Variants in MAPK8IP1 observed in about 807,000 individuals in gnomAD.
MAPK8IP1 encodes the protein mitogen-activated protein kinase 8 interacting protein 1.
Under a neutral mutation model 72.6 loss-of-function variants are expected in MAPK8IP1, and 17 were observed. The ratio of observed to expected loss-of-function variants is 0.23; its 90% CI spans 0.16 to 0.35. The LOEUF is 0.35. Among genes scored for constraint, MAPK8IP1 ranks in the 10% least tolerant of loss-of-function variants. The probability of loss-of-function intolerance (pLI) is 1.00; values close to 1 mark genes in which losing one functional copy is unlikely to be tolerated. For missense variants in MAPK8IP1, 789 were observed against 1,009.7 expected (o/e 0.78, Z 2.96); for synonymous variants, 401 against 443.4 (o/e 0.90, Z 1.20).
chr11:45,903,306 C>T lies in MAPK8IP1; in HGVS notation c.1418-59C>T, dbSNP rs2086672583. 14 of 1,593,944 alleles carry T rather than the reference C, an allele frequency of 8.8e-6. No individual in the cohort carries two copies. Reference sequence around the variant, plus strand: ...GGTTAGGACTGAGGCTTCTACCTGCCCCGCTAAACCTGGATCAGAGCTGCG... The same window carrying T: ...GGTTAGGACTGAGGCTTCTACCTGCTCCGCTAAACCTGGATCAGAGCTGCG... On this transcript the variant is annotated intron_variant, in intron 5 of 11. Coordinates refer to ENST00000241014, the MANE Select transcript of MAPK8IP1 (RefSeq NM_005456.4). This position sits in a 1 kb window ranked among gnomAD's most constrained non-coding sequence, Gnocchi z 6.4.
Position 45,903,923 on chromosome 11 carries a change from C to T in MAPK8IP1, c.1494-66C>T. 1.4e-6 allele frequency: 2 copies of T among 1,472,706 alleles called. No individual in the cohort carries two copies. Among genetic ancestry groups the T allele is most frequent in the Non-Finnish European group, 1.9e-6 (2 of 1,056,288 alleles). The allele number at this position is 1,472,706 out of a possible 1,614,324, so 91.2% of individuals were successfully genotyped here. ...TAACGATGCTGCTGTGGCTCCCAGA[C>T]CCCAGAGTAGGCCTGGCTGGACAGG... On this transcript the variant is annotated intron_variant, in intron 6 of 11. Coordinates refer to ENST00000241014, the MANE Select transcript of MAPK8IP1 (RefSeq NM_005456.4). The surrounding 1 kb of genome is among the most constrained non-coding windows in gnomAD (Gnocchi z 6.4).
chr11:45,896,981 G>A (rs2086612823), intron 1 of MAPK8IP1: 1 of 1,554,310 alleles, frequency 6.4e-7, no homozygotes, highest in Admixed American at 1.9e-5. Flanking sequence ...CGGGGGTGGA[G>A]ACCGAGTTGG....
At chr11:45,894,401 G>C (rs914619426) in intron 1 of MAPK8IP1, among the ~76,000 whole-genome samples, 1 of 148,352 alleles carries the variant, frequency 6.7e-6, no homozygotes, top group Non-Finnish European at 1.5e-5. Context: ...ACCCACCCCA[G>C]TAGAGCCAGG....
chr11:45,888,082 G>T (rs1440476794), intron 1 of MAPK8IP1, among the ~76,000 whole-genome samples: 1 of 152,188 alleles, frequency 6.6e-6, no homozygotes, highest in Non-Finnish European at 1.5e-5. Context: ...TGCTCAGGAT[G>T]GTCCTAAGAA....
intron 1 of MAPK8IP1, chr11:45,896,889 G>A (rs1369544280): frequency 1.9e-6 from 3 of 1,559,168 alleles, no homozygotes; most frequent in African/African-American, 2.7e-5. Flanking sequence ...CATGCAGCTG[G>A]TGCTGAAGAT....
At position 45,897,804 on chromosome 11, in the gene MAPK8IP1, G is replaced by A. The variant is rs528494310; in HGVS notation, c.102-281G>A. 2.0e-5 allele frequency among the ~76,000 whole-genome samples: 3 copies of A among 152,318 alleles called. No homozygotes were observed. The East Asian group carries it at 5.8e-4, about 29-fold the overall frequency. On this transcript the variant is annotated intron_variant, in intron 1 of 11. Coordinates refer to ENST00000241014, the MANE Select transcript of MAPK8IP1 (RefSeq NM_005456.4). ...TGACCAGTTGGGCCTTCTAAGCACTGCCTGCTGGTTGGCAACAGAATGACA... is the reference window on the plus strand; with the variant it reads ...TGACCAGTTGGGCCTTCTAAGCACTACCTGCTGGTTGGCAACAGAATGACA...
intron 1 of MAPK8IP1, among the ~76,000 whole-genome samples, chr11:45,892,254 C>T (rs902010447): frequency 6.6e-6 from 1 of 152,152 alleles, no homozygotes; most frequent in Admixed American, 6.5e-5. Context: ...CAGCCAGCAC[C>T]GTCTTCCCAG....
Position 45,895,088 on chromosome 11 carries a change from G to T in MAPK8IP1, c.102-2997G>T, listed in dbSNP as rs369836939. On this transcript the variant is annotated intron_variant, in intron 1 of 11. Transcript: ENST00000241014. Reference sequence around the variant, plus strand: ...ACGCAGACTACGCATGGAGCTGGAGGCCTTGCCTGCAGGCACAGGAACCTG... The same window carrying T: ...ACGCAGACTACGCATGGAGCTGGAGTCCTTGCCTGCAGGCACAGGAACCTG... 2.6e-5 allele frequency among the ~76,000 whole-genome samples: 4 copies of T among 152,214 alleles called. 1 individual carries two copies. The South Asian group carries it at 8.3e-4, about 32-fold the overall frequency.
rs545076727 is a variant in MAPK8IP1, at chr11:45,892,496, C to T, written c.102-5589C>T. The stretch of plus-strand genomic sequence containing the variant: ...GACTCCAAGGGGAGGCCACCGCGGG[C>T]CGCATAACCCAAAGGTAAAATTACA... On this transcript the variant is annotated intron_variant, in intron 1 of 11. Coordinates refer to ENST00000241014, the MANE Select transcript of MAPK8IP1 (RefSeq NM_005456.4). Among the ~76,000 whole-genome samples, 5 of 135,154 alleles carry T rather than the reference C, an allele frequency of 3.7e-5. No homozygotes were observed. The South Asian group carries it at 1.1e-3, about 29-fold the overall frequency. 88.7% of individuals were successfully genotyped at this position (135,154 alleles called of 152,430 possible). A position where few individuals can be genotyped will look rare whatever the true frequency, so the allele number is the denominator to read the frequency against.
At position 45,905,943 on chromosome 11, in the gene MAPK8IP1, G is replaced by A; in HGVS notation, c.*222G>A. The stretch of plus-strand genomic sequence containing the variant: ...TAGATTCATCTATGGAGGGCAGAGT[G>A]GGCTGCCTGGGGATTGGGAGGGACA... On this transcript the variant is annotated 3_prime_UTR_variant, in exon 12 of 12. Coordinates refer to ENST00000241014, the MANE Select transcript of MAPK8IP1 (RefSeq NM_005456.4). 5.0e-6 allele frequency: 3 copies of A among 599,934 alleles called. No homozygotes were observed. The South Asian group carries it at 5.8e-5, about 12-fold the overall frequency. 37.2% of individuals were successfully genotyped at this position (599,934 alleles called of 1,614,324 possible).
chr11:45,901,792 G>A (rs1477826770), intron 3 of MAPK8IP1, 188 bp from the exon 4 acceptor site: 1 of 723,162 alleles, frequency 1.4e-6, no homozygotes, highest in Non-Finnish European at 2.5e-6. Flanking sequence ...GAGCCGGCAA[G>A]CCTGGCTGTG....
chr11:45,892,347 C>G (rs571237799), intron 1 of MAPK8IP1, among the ~76,000 whole-genome samples: 14 of 152,260 alleles, frequency 9.2e-5, no homozygotes, highest in African/African-American at 3.4e-4. Context: ...TTAGAGATTT[C>G]CAAGGCAAAA....
At chr11:45,890,465 C>G (rs1230012637) in intron 1 of MAPK8IP1, among the ~76,000 whole-genome samples, 1 of 152,174 alleles carries the variant, frequency 6.6e-6, no homozygotes, top group African/African-American at 2.4e-5. Context: ...CAGAGCCATC[C>G]TGGGGCTCAC....
In MAPK8IP1 at chr11:45,885,748, G is replaced by T; in HGVS notation, c.-73G>T. The T allele has an allele frequency of 1.1e-6, 1 of 877,358 alleles. No homozygotes were observed. The highest frequency in any genetic ancestry group is 1.6e-6 in the Non-Finnish European group (1 of 642,994). The allele number at this position is 877,358 out of a possible 1,614,324, so 54.3% of individuals were successfully genotyped here. A position where few individuals can be genotyped will look rare whatever the true frequency, so the allele number is the denominator to read the frequency against. ...GCGGCGGCGGCTGCCCTCTCGCCGC[G>T]CCTCCGCCTCCTTCGCAGCCGCCGC... is the stretch of plus-strand genomic sequence containing the variant. On this transcript the variant is annotated 5_prime_UTR_variant, in exon 1 of 12. Transcript: ENST00000241014.
In MAPK8IP1 at chr11:45,885,695, A is replaced by C; in HGVS notation, c.-126A>C. ...GGTGCTGTGCCGCGCCCTGCCAGAC[A>C]CAGGTGCGCCCGCCTAGCCCGAACT... On this transcript the variant is annotated 5_prime_UTR_variant, in exon 1 of 12. Transcript: ENST00000241014. The C allele has an allele frequency of 1.2e-5, 5 of 417,502 alleles. No individual in the cohort carries two copies. Among genetic ancestry groups the C allele is most frequent in the Non-Finnish European group, 1.6e-5 (4 of 248,522 alleles). 25.9% of individuals were successfully genotyped at this position (417,502 alleles called of 1,614,324 possible).
rs560786529 is a variant in MAPK8IP1 at position 45,893,249 on chromosome 11, G to A, written c.102-4836G>A. 1.0e-4 allele frequency among the ~76,000 whole-genome samples: 15 copies of A among 146,816 alleles called. 1 individual carries two copies. Among genetic ancestry groups the A allele is most frequent in the South Asian group, 2.1e-4 (1 of 4,824 alleles). On this transcript the variant is annotated intron_variant, in intron 1 of 11. Coordinates refer to ENST00000241014, the MANE Select transcript of MAPK8IP1 (RefSeq NM_005456.4). ...GCCTACTACGGAGCTGAAATAGTCC[G>A]TTAGAAAGGGCAGGACTGTGGTTGG...
chr11:45,890,745 G>A (rs1027236201), intron 1 of MAPK8IP1, among the ~76,000 whole-genome samples: 4 of 152,170 alleles, frequency 2.6e-5, no homozygotes, highest in African/African-American at 9.7e-5. Context: ...TGAAAATCAT[G>A]TGGGAACCTG....
Position 45,902,447 on chromosome 11 carries a change from C to T in MAPK8IP1, c.680C>T (p.Thr227Ile), listed in dbSNP as rs2086662398. ...CCCCAGAGCGGCCCCGCCCCCACCA[C>T]AGATCGAGGCACCTCCACCGACAGC... ...LPPQSGPAPT[T>I]DRGTSTDSPC... The change falls in exon 5 of 12, where the codon ACA becomes ATA. Residue 227 changes from threonine (T) to isoleucine (I), a missense_variant. Transcript: ENST00000241014. This position sits in a 1 kb window ranked among gnomAD's most constrained non-coding sequence, Gnocchi z 9.3. 2 of 1,597,256 alleles carry T rather than the reference C, an allele frequency of 1.3e-6. No individual in the cohort carries two copies. Among genetic ancestry groups the T allele is most frequent in the Non-Finnish European group, 1.7e-6 (2 of 1,172,854 alleles).
intron 1 of MAPK8IP1, among the ~76,000 whole-genome samples, chr11:45,892,039 A>T (rs2086570561): frequency 6.6e-6 from 1 of 152,210 alleles, no homozygotes; most frequent in Admixed American, 6.5e-5. Flanking sequence ...TTATAACCGC[A>T]AGTGGGGTTG....
Sources: allele counts gnomAD v4.1 joint callset (sites outside exome capture counted in the v4.1 genomes callset), GRCh38; gene constraint gnomAD v4.1.1; non-coding constraint Gnocchi (gnomAD v3.1); transcripts MANE v1.5; gene names NCBI Gene and HGNC (gene_info 2026-07-23, HGNC 2026-07-21).